TANC1: variants seen among roughly 807,000 people sequenced by gnomAD.
TANC1 encodes the protein protein TANC1.
In TANC1, 77 loss-of-function variants were observed where a neutral mutation model predicts 149.7. The ratio of observed to expected loss-of-function variants is 0.51; its 90% CI spans 0.43 to 0.62. The LOEUF is 0.62. TANC1 is among the 20% of genes least tolerant of loss of function. The pLI, the probability that TANC1 is intolerant of heterozygous loss-of-function variation, is 0.00. For missense variants in TANC1, 1,985 were observed against 2,321.8 expected, an observed-to-expected ratio of 0.85 and a Z score of 2.98; for synonymous variants, 854 against 925.0, an observed-to-expected ratio of 0.92 and a Z score of 1.39.
intron 5 of TANC1, among the ~76,000 whole-genome samples, chr2:159,145,669 G>C (rs2051991369): frequency 1.3e-5 from 2 of 152,300 alleles, no homozygotes; most frequent in South Asian, 4.2e-4. Flanking sequence ...GGTCCACAAG[G>C]GGGTGAGAAG....
intron 4 of TANC1, among the ~76,000 whole-genome samples, chr2:159,133,694 A>G (rs758829216): frequency 5.3e-5 from 8 of 152,206 alleles, no homozygotes; most frequent in Non-Finnish European, 8.8e-5. Flanking sequence ...TGAATAGCCT[A>G]CATCCCGCAC....
At chr2:159,166,501 T>C (rs534956453) in intron 8 of TANC1, among the ~76,000 whole-genome samples, 11 of 152,324 alleles carry the variant, frequency 7.2e-5, no homozygotes, top group South Asian at 2.1e-4. Flanking sequence ...ACAACAAGTG[T>C]ATAATTAATT....
intron 16 of TANC1, among the ~76,000 whole-genome samples, chr2:159,193,744 A>G (rs2057643584): frequency 6.6e-6 from 1 of 152,032 alleles, no homozygotes; most frequent in Non-Finnish European, 1.5e-5. Context: ...GATGGTCTCG[A>G]TCTCTTGACC....
intron 9 of TANC1, among the ~76,000 whole-genome samples, chr2:159,170,015 C>T (rs769018610): frequency 3.3e-5 from 5 of 151,608 alleles, no homozygotes; most frequent in Non-Finnish European, 7.4e-5. Flanking sequence ...AACACTTGGA[C>T]TGTATTGGCC....
rs2060264572 is a variant in TANC1, at chr2:159,230,196, A to T, written c.4770A>T (p.Thr1590=). ...QHLEGTGTFT[T]RAGCGHFGDR... ...TAGAGGGAACAGGTACTTTCACTAC[A>T]AGAGCTGGTTGTGGCCACTTTGGGG... The change falls in exon 27 of 27, where the codon ACA becomes ACT. Residue 1590 remains threonine (T), a synonymous_variant. Coordinates refer to ENST00000263635, the MANE Select transcript of TANC1 (RefSeq NM_033394.3). The surrounding 1 kb of genome is among the most constrained non-coding windows in gnomAD (Gnocchi z 4.4). 6.2e-7 allele frequency: 1 copy of T among 1,613,916 alleles called. No homozygotes were observed. The highest frequency in any genetic ancestry group is 8.5e-7 in the Non-Finnish European group (1 of 1,180,042).
At chr2:159,044,597 C>G (rs1008582004) in intron 2 of TANC1, among the ~76,000 whole-genome samples, 1 of 152,042 alleles carries the variant, frequency 6.6e-6, no homozygotes, top group Admixed American at 6.6e-5. Context: ...AATGGTGCCT[C>G]CAATCCCATC....
intron 3 of TANC1, among the ~76,000 whole-genome samples, chr2:159,094,763 TTG>T (rs201182144): frequency 1.2e-4 from 15 of 125,576 alleles, no homozygotes; most frequent in African/African-American, 4.0e-4. Context: ...TGGATGAAGC[TTG>T]TGTGTGTGTG....
intron 2 of TANC1, among the ~76,000 whole-genome samples, chr2:159,022,123 T>C (rs2038877770): frequency 1.3e-5 from 2 of 152,234 alleles, no homozygotes; most frequent in African/African-American, 2.4e-5. Context: ...TTTGGTGGTA[T>C]TCATGTTTTT....
At chr2:158,978,758 A>G (rs1425359184) in intron 1 of TANC1, among the ~76,000 whole-genome samples, 1 of 152,206 alleles carries the variant, frequency 6.6e-6, no homozygotes, top group Non-Finnish European at 1.5e-5. Flanking sequence ...CTATGCAAAG[A>G]TAGTTGAGAG....
intron 1 of TANC1, among the ~76,000 whole-genome samples, chr2:158,996,730 T>C (rs2036165891): frequency 6.6e-6 from 1 of 152,348 alleles, no homozygotes; most frequent in South Asian, 2.1e-4. Flanking sequence ...AGTAATTTAC[T>C]TCGTGGTCCA....
At chr2:158,990,577 TAAG>T (rs1351049030) in intron 1 of TANC1, among the ~76,000 whole-genome samples, 1 of 152,056 alleles carries the variant, frequency 6.6e-6, no homozygotes, top group African/African-American at 2.4e-5. Flanking sequence ...AGGGATTGAG[TAAG>T]AATTCACTTA....
intron 7 of TANC1, among the ~76,000 whole-genome samples, chr2:159,162,586 T>A (rs2054151766): frequency 6.6e-6 from 1 of 152,258 alleles, no homozygotes; most frequent in Non-Finnish European, 1.5e-5. Flanking sequence ...AAAGGTTTTT[T>A]GTACCTTTTT....
At chr2:159,056,435 C>CT (rs1574376423) in intron 2 of TANC1, 1 of 154,186 alleles carries the variant, frequency 6.5e-6, no homozygotes, top group Admixed American at 6.5e-5. Flanking sequence ...CCTCAGCCTC[C>CT]TGAGTAGCTG....
At chr2:159,192,284 C>T (rs548360301) in intron 16 of TANC1, among the ~76,000 whole-genome samples, 4 of 152,254 alleles carry the variant, frequency 2.6e-5, no homozygotes, top group Non-Finnish European at 5.9e-5. Flanking sequence ...GGCCTTATCT[C>T]ACTATTAACA....
At chr2:159,059,096 T>C (rs1206871826) in intron 2 of TANC1, among the ~76,000 whole-genome samples, 3 of 76,832 alleles carry the variant, frequency 3.9e-5, no homozygotes, top group African/African-American at 1.3e-4. Flanking sequence ...AATAGAATAG[T>C]AGAATAGAGT....
chr2:159,105,885 T>C (rs1435257034), intron 4 of TANC1, among the ~76,000 whole-genome samples: 1 of 152,208 alleles, frequency 6.6e-6, no homozygotes, highest in Non-Finnish European at 1.5e-5. Context: ...TTTGTGATAG[T>C]TGTCCTTTAT....
chr2:159,057,092 C>T (rs965721676), intron 2 of TANC1, among the ~76,000 whole-genome samples: 4 of 152,024 alleles, frequency 2.6e-5, no homozygotes, highest in African/African-American at 4.8e-5. Flanking sequence ...TTCAGCTGTC[C>T]GTTTTATTGT....
Position 159,196,706 on chromosome 2 carries a change from G to T in TANC1, c.3078G>T (p.Ser1026=). 6.2e-7 allele frequency: 1 copy of T among 1,613,974 alleles called. No homozygotes were observed. Among genetic ancestry groups the T allele is most frequent in the Non-Finnish European group, 8.5e-7 (1 of 1,179,994 alleles). The part of the protein sequence containing the change: ...ILQYLLTCEW[S]PGPPQPGTLR... ...AGTACCTGCTGACTTGTGAGTGGTC[G>T]CCGGGTCCTCCCCAGCCAGGCACCC... The change falls in exon 18 of 27, where the codon TCG becomes TCT. Residue 1026 remains serine, a synonymous_variant. Coordinates refer to ENST00000263635, the MANE Select transcript of TANC1 (RefSeq NM_033394.3).
chr2:159,136,983 C>A (rs552240637), intron 5 of TANC1, among the ~76,000 whole-genome samples: 12 of 152,316 alleles, frequency 7.9e-5, no homozygotes, highest in African/African-American at 2.6e-4. Context: ...CCCCAACTCA[C>A]ATCTCTCTTG....
Sources: gnomAD v4.1 joint callset for allele counts (sites outside exome capture counted in the v4.1 genomes callset) on GRCh38, gnomAD v4.1.1 for gene constraint, Gnocchi (gnomAD v3.1) non-coding constraint, MANE v1.5 for transcripts, NCBI Gene and HGNC (gene_info 2026-07-23, HGNC 2026-07-21) for gene names.